FHIT: variants seen among roughly 807,000 people sequenced by gnomAD.
FHIT encodes fragile histidine triad diadenosine triphosphatase, also known as bis(5'-adenosyl)-triphosphatase.
In FHIT, 19 loss-of-function variants were observed where a neutral mutation model predicts 17.9. The observed-to-expected ratio is 1.06, with a 90% confidence interval of 0.74 to 1.56. The LOEUF (loss-of-function observed/expected upper bound fraction) is 1.56, where lower values mean the gene tolerates loss of function less well. FHIT is among the 40% of genes most tolerant of loss of function. The probability of loss-of-function intolerance (pLI) is 0.00; values close to 1 mark genes in which losing one functional copy is unlikely to be tolerated. For synonymous variants in FHIT, 81 were observed against 69.7 expected (o/e 1.16, Z -0.81); for missense variants, 248 against 189.2 (o/e 1.31, Z -1.82).
intron 8 of FHIT, among the ~76,000 whole-genome samples, chr3:59,817,042 T>C (rs1367046165): frequency 6.6e-6 from 1 of 152,198 alleles, no homozygotes; most frequent in Non-Finnish European, 1.5e-5. Context: ...TAGAAGCAGA[T>C]GGAGCTAACT....
At chr3:60,598,358 T>A (rs1338088534) in intron 4 of FHIT, among the ~76,000 whole-genome samples, 1 of 152,172 alleles carries the variant, frequency 6.6e-6, no homozygotes, top group Non-Finnish European at 1.5e-5. Flanking sequence ...TTAATAAACT[T>A]ACCATATTTT....
intron 7 of FHIT, among the ~76,000 whole-genome samples, chr3:59,922,636 C>T (rs1347023757): frequency 1.3e-5 from 2 of 151,980 alleles, no homozygotes; most frequent in African/African-American, 4.8e-5. Flanking sequence ...AGAGTTGGTG[C>T]GAAATGCTAG....
chr3:60,545,274 AAAGT>A (rs1423031770), intron 4 of FHIT, among the ~76,000 whole-genome samples: 2 of 152,102 alleles, frequency 1.3e-5, no homozygotes, highest in African/African-American at 4.8e-5. Context: ...CTGTTATTCA[AAAGT>A]AAGATCTATC....
chr3:59,760,119 G>C (rs1174941424), intron 8 of FHIT, among the ~76,000 whole-genome samples: 1 of 152,162 alleles, frequency 6.6e-6, no homozygotes, highest in Non-Finnish European at 1.5e-5. Context: ...TTGATTAGTT[G>C]CCAAAGCTTT....
intron 3 of FHIT, among the ~76,000 whole-genome samples, chr3:61,002,692 T>C (rs912194635): frequency 9.9e-5 from 15 of 152,236 alleles, no homozygotes; most frequent in Admixed American, 1.3e-4. Context: ...TCTTTTTTTT[T>C]TAATTAGGCC....
intron 3 of FHIT, among the ~76,000 whole-genome samples, chr3:60,861,224 TATATGATATATC>T (rs1703841666): frequency 1.8e-4 from 6 of 32,530 alleles, no homozygotes; most frequent in Admixed American, 4.3e-4. Flanking sequence ...ATATATGATA[TATATGATATATC>T]ATATCATATA....
chr3:60,831,013 A>G (rs555446786), intron 3 of FHIT, among the ~76,000 whole-genome samples: 3 of 152,350 alleles, frequency 2.0e-5, no homozygotes, highest in Admixed American at 1.3e-4. Flanking sequence ...TCTCTGACAG[A>G]TAGAAAATCT....
intron 4 of FHIT, among the ~76,000 whole-genome samples, chr3:60,608,438 C>T (rs995493855): frequency 6.6e-6 from 1 of 152,192 alleles, no homozygotes; most frequent in Non-Finnish European, 1.5e-5. Context: ...TGCTCTAGAT[C>T]CAGGCCCCTG....
chr3:60,451,239 T>C (rs1374885982), intron 5 of FHIT, among the ~76,000 whole-genome samples: 5 of 152,124 alleles, frequency 3.3e-5, no homozygotes, highest in Non-Finnish European at 5.9e-5. Context: ...CAGAAATCTT[T>C]ACCCTTTTGC....
At chr3:60,799,755 T>C (rs2736735) in intron 4 of FHIT, among the ~76,000 whole-genome samples, 3,410 of 152,326 alleles carry the variant, frequency 0.022, 70 homozygotes, top group Non-Finnish European at 0.033. Flanking sequence ...TTCAGTCTAA[T>C]ATATATGATT....
chr3:60,580,396 T>C (rs1553659339), intron 4 of FHIT, among the ~76,000 whole-genome samples: 1 of 152,148 alleles, frequency 6.6e-6, no homozygotes, highest in Non-Finnish European at 1.5e-5. Context: ...CATCCCTGAT[T>C]TTTTAAAATC....
chr3:60,654,781 T>C (rs1470823972), intron 4 of FHIT, among the ~76,000 whole-genome samples: 1 of 152,174 alleles, frequency 6.6e-6, no homozygotes, highest in Non-Finnish European at 1.5e-5. Context: ...AATATTTTCA[T>C]TATTTCCAAC....
At chr3:59,785,048 G>T in intron 8 of FHIT, among the ~76,000 whole-genome samples, 1 of 152,186 alleles carries the variant, frequency 6.6e-6, no homozygotes, top group East Asian at 1.9e-4. Flanking sequence ...AGCAACAAGA[G>T]AGAGAGAGGG....
chr3:60,982,215 C>G (rs889099885), intron 3 of FHIT, among the ~76,000 whole-genome samples: 5 of 152,210 alleles, frequency 3.3e-5, no homozygotes, highest in Non-Finnish European at 7.3e-5. Context: ...GCCTACGGGG[C>G]CTTCCAGGAC....
intron 8 of FHIT, among the ~76,000 whole-genome samples, chr3:59,774,065 T>C (rs1188608791): frequency 6.6e-6 from 1 of 152,242 alleles, no homozygotes; most frequent in Non-Finnish European, 1.5e-5. Flanking sequence ...TAGTCACATG[T>C]GTGGTTCCCA....
At chr3:60,011,448 C>T (rs957450885) in intron 6 of FHIT, 48 bp from the exon 7 acceptor site, 2 of 1,482,268 alleles carry the variant, frequency 1.3e-6, no homozygotes, top group South Asian at 1.1e-5. Context: ...TAGATGGTAT[C>T]TCCTGCTTAT....
At chr3:60,262,137 T>C (rs1014167265) in intron 5 of FHIT, among the ~76,000 whole-genome samples, 7 of 152,104 alleles carry the variant, frequency 4.6e-5, no homozygotes, top group African/African-American at 1.7e-4. Flanking sequence ...TCTTTTGTCA[T>C]AGTGTCTCAG....
chr3:60,999,367 G>A (rs2030903896), intron 3 of FHIT, among the ~76,000 whole-genome samples: 1 of 151,712 alleles, frequency 6.6e-6, no homozygotes. Flanking sequence ...AATCTAACAG[G>A]ATTCCAAGCT....
chr3:59,831,977 G>A (rs1191866417), intron 8 of FHIT, among the ~76,000 whole-genome samples: 1 of 152,006 alleles, frequency 6.6e-6, no homozygotes, highest in African/African-American at 2.4e-5. Flanking sequence ...CTCAACTACT[G>A]GTCCTACTTC....
Sources: allele counts gnomAD v4.1 joint callset (sites outside exome capture counted in the v4.1 genomes callset), GRCh38; gene constraint gnomAD v4.1.1; transcripts MANE v1.5; gene names NCBI Gene and HGNC (gene_info 2026-07-23, HGNC 2026-07-21).